Variants in TGDS observed in about 807,000 individuals in gnomAD.
TGDS encodes the protein UDP-D-glucose 4,6-dehydratase.
TGDS carries 47 observed loss-of-function variants against 52.3 expected under a neutral mutation model. That is an observed-to-expected ratio of 0.90 (90% CI 0.71 to 1.15). The LOEUF (loss-of-function observed/expected upper bound fraction) is 1.15. Ranked by LOEUF, TGDS falls within the 50% of genes most tolerant of loss-of-function variation. TGDS has a pLI of 0.00. For missense variants in TGDS, 375 were observed against 418.4 expected, an observed-to-expected ratio of 0.90 and a Z score of 0.90; for synonymous variants, 115 against 136.9, an observed-to-expected ratio of 0.84 and a Z score of 1.12.
chr13:94,581,103 C>T lies in TGDS; in HGVS notation c.543G>A (p.Trp181Ter). The T allele has an allele frequency of 1.3e-6, 2 of 1,545,608 alleles. No individual in the cohort carries two copies. Among genetic ancestry groups the T allele is most frequent in the South Asian group, 2.7e-5 (2 of 75,104 alleles). The part of the protein sequence containing the change: ...AAAECFVQSY[W>*]EQYKFPVVIT... ...AATCAGTTCTTACCTTATATTGTTC[C>T]CAGTAAGACTGTACAAAACATTCAG... The change falls in exon 6 of 12, where the codon TGG becomes TGA. Residue 181 changes from tryptophan to a stop codon, truncating the protein, a stop_gained. Coordinates refer to ENST00000261296, the MANE Select transcript of TGDS (RefSeq NM_014305.4). LOFTEE classifies it high-confidence loss of function.
intron 4 of TGDS, among the ~76,000 whole-genome samples, chr13:94,585,515 A>G (rs1166374696): frequency 6.6e-6 from 1 of 152,124 alleles, no homozygotes; most frequent in Admixed American, 6.5e-5. Context: ...TTAAAATTCC[A>G]GGCAGGACAT....
At chr13:94,592,163 A>C in intron 3 of TGDS, 78 bp downstream of exon 3, 1 of 1,093,532 alleles carries the variant, frequency 9.1e-7, no homozygotes, top group Non-Finnish European at 1.3e-6. Flanking sequence ...CACATTACAC[A>C]AGTTTGTAAA....
At chr13:94,580,099 C>A (rs997325056) in intron 6 of TGDS, 146 bp from the exon 7 acceptor site, 3 of 525,666 alleles carry the variant, frequency 5.7e-6, no homozygotes, top group Admixed American at 7.3e-5. Context: ...TTTTTTCTAA[C>A]GTAAGGTTTC....
At chr13:94,583,534 TA>T (rs925946251) in intron 4 of TGDS, among the ~76,000 whole-genome samples, 16 of 152,092 alleles carry the variant, frequency 1.1e-4, no homozygotes, top group South Asian at 2.1e-4. Context: ...GTTTTTAAAT[TA>T]AAAAAAATTA....
chr13:94,588,260 T>C (rs1566962520), intron 4 of TGDS, among the ~76,000 whole-genome samples: 2 of 148,548 alleles, frequency 1.3e-5, no homozygotes, highest in Non-Finnish European at 3.0e-5. Context: ...CCCATCTCTA[T>C]CAAAAATACA....
chr13:94,593,741 TA>T, intron 2 of TGDS, 99 bp downstream of exon 2: 1 of 890,152 alleles, frequency 1.1e-6, no homozygotes, highest in Non-Finnish European at 1.8e-6. Context: ...AATGACTAAA[TA>T]AAAAATTTAA....
chr13:94,575,229 G>A (rs551311369), intron 11 of TGDS, among the ~76,000 whole-genome samples: 18 of 149,420 alleles, frequency 1.2e-4, no homozygotes, highest in African/African-American at 3.0e-4. Flanking sequence ...GTGTTTAGTC[G>A]TATAAATATG....
rs150271746 is a variant in TGDS, at chr13:94,583,223, T to C, written c.327A>G (p.Val109=). The change falls in exon 5 of 12, where the codon GTA becomes GTG. Residue 109 remains valine, a synonymous_variant. Coordinates refer to ENST00000261296, the MANE Select transcript of TGDS (RefSeq NM_014305.4). Reference sequence around the variant, plus strand: ...TAACATAGGTAAACTCAAAGGCACGTACGAATGAAAGATCTAAAAGAAAAG... The same window carrying C: ...TAACATAGGTAAACTCAAAGGCACGCACGAATGAAAGATCTAAAAGAAAAG... ...AAQTHVDLSF[V]RAFEFTYVNV... is the part of the protein sequence containing the mutation. The C allele has an allele frequency of 2.3e-5, 37 of 1,612,256 alleles. 1 individual carries two copies. The African/African-American group carries it at 4.8e-4, about 21-fold the overall frequency.
At chr13:94,574,874 C>CAAAAAAAAAAAAAAAAAAAA in intron 11 of TGDS, 22 bp from the exon 12 acceptor site, 1 of 980,300 alleles carries the variant, frequency 1.0e-6, no homozygotes, top group Non-Finnish European at 1.4e-6. Flanking sequence ...AAACAAAAGA[C>CAAAAAAAAAAAAAAAAAAAA]AAAAAAAAAA....
intron 8 of TGDS, 49 bp downstream of exon 8, chr13:94,578,681 C>T (rs1888685788): frequency 7.2e-7 from 1 of 1,390,352 alleles, no homozygotes; most frequent in Non-Finnish European, 1.0e-6. Context: ...TCACCAAATA[C>T]TCTAACATAC....
At chr13:94,595,010 A>G (rs890312372) in intron 1 of TGDS, among the ~76,000 whole-genome samples, 1 of 152,292 alleles carries the variant, frequency 6.6e-6, no homozygotes, top group East Asian at 1.9e-4. Flanking sequence ...GAGTGGGGAT[A>G]CAAGCAATAA....
rs727502808 is a variant in TGDS, at chr13:94,590,872, A to G, written c.294T>C (p.Phe98=). Residue 98 remains phenylalanine (F), a synonymous_variant, in exon 4 of 12, where the codon TTT becomes TTC. Coordinates refer to ENST00000261296, the MANE Select transcript of TGDS (RefSeq NM_014305.4). ...GCTTACCTACATGTGTTTGTGCGGC[A>G]AAATGTAGTACTATATCTATTTTCT... ...ETEKIDIVLH[F]AAQTHVDLSF... 3 of 1,569,018 alleles carry G rather than the reference A, an allele frequency of 1.9e-6. No homozygotes were observed. The highest frequency in any genetic ancestry group is 3.3e-4 in the Middle Eastern group (2 of 5,988).
chr13:94,577,059 G>A (rs950887769), intron 10 of TGDS, among the ~76,000 whole-genome samples: 1 of 150,096 alleles, frequency 6.7e-6, no homozygotes, highest in South Asian at 2.1e-4. Context: ...CCGAGATTGC[G>A]CCACTGCACT....
chr13:94,574,294 A>G lies in TGDS; in HGVS notation c.*488T>C, dbSNP rs1283419397. The G allele has an allele frequency of 1.3e-5, 2 of 152,344 alleles. No individual in the cohort carries two copies. Among genetic ancestry groups the G allele is most frequent in the Non-Finnish European group, 2.9e-5 (2 of 68,118 alleles). The allele number at this position is 152,344 out of a possible 1,614,324, so 9.4% of individuals were successfully genotyped here. A position where few individuals can be genotyped will look rare whatever the true frequency, so the allele number is the denominator to read the frequency against. ...CAATTTTACAAAATTATCAATTTAA[A>G]AAGTGTTAGATATGCTTCTATTTTG... On this transcript the variant is annotated 3_prime_UTR_variant, in exon 12 of 12. Transcript: ENST00000261296.
rs1888696956 is a variant in TGDS, at chr13:94,578,873, T to C, written c.616-100A>G. 4.3e-5 allele frequency: 28 copies of C among 651,604 alleles called. No individual in the cohort carries two copies. In the East Asian group the frequency reaches 7.1e-4, roughly 17 times the overall value. The allele number at this position is 651,604 out of a possible 1,614,324, so 40.4% of individuals were successfully genotyped here. A position where few individuals can be genotyped will look rare whatever the true frequency, so the allele number is the denominator to read the frequency against. On this transcript the variant is annotated intron_variant, in intron 7 of 11. Coordinates refer to ENST00000261296, the MANE Select transcript of TGDS (RefSeq NM_014305.4). ...AAAAGATTATTAAGAAATATGCATATGGATTGCTTCTAATTATTTTTATCA... is the reference window on the plus strand; with the variant it reads ...AAAAGATTATTAAGAAATATGCATACGGATTGCTTCTAATTATTTTTATCA...
chr13:94,592,407 T>A, intron 2 of TGDS, 98 bp from the exon 3 acceptor site: 1 of 917,320 alleles, frequency 1.1e-6, no homozygotes, highest in Non-Finnish European at 1.6e-6. Context: ...TGTTACTGGT[T>A]ACAATACAAG....
chr13:94,593,612 CAAAAT>C (rs1889279107), intron 2 of TGDS, among the ~76,000 whole-genome samples: 1 of 151,808 alleles, frequency 6.6e-6, no homozygotes, highest in Admixed American at 6.6e-5. Flanking sequence ...CTGAAAAAAA[CAAAAT>C]AAAACAAAAA....
chr13:94,595,548 G>GT (rs1889344725), intron 1 of TGDS, among the ~76,000 whole-genome samples: 1 of 152,204 alleles, frequency 6.6e-6, no homozygotes, highest in African/African-American at 2.4e-5. Context: ...AGTGGTCGCC[G>GT]TAAGGATATA....
chr13:94,576,312 A>C lies in TGDS; in HGVS notation c.982+2T>G. 6.3e-7 allele frequency: 1 copy of C among 1,579,674 alleles called. No individual in the cohort carries two copies. Among genetic ancestry groups the C allele is most frequent in the Non-Finnish European group, 8.6e-7 (1 of 1,164,654 alleles). ...CCCCAAAATGATTAATTCAAAACAT[A>C]CTTGTTTTCTTTATTCCTTCTTTCC... On this transcript the variant is annotated splice_donor_variant, in intron 11 of 11. Coordinates refer to ENST00000261296, the MANE Select transcript of TGDS (RefSeq NM_014305.4). LOFTEE classifies it high-confidence loss of function.
Sources: allele counts gnomAD v4.1 joint callset (sites outside exome capture counted in the v4.1 genomes callset), GRCh38; gene constraint gnomAD v4.1.1; transcripts MANE v1.5; gene names NCBI Gene and HGNC (gene_info 2026-07-23, HGNC 2026-07-21).